PTPRD: variants seen among roughly 807,000 people sequenced by gnomAD.
PTPRD encodes the protein protein tyrosine phosphatase receptor type D, also known as receptor-type tyrosine-protein phosphatase delta.
In PTPRD, 34 loss-of-function variants were observed where a neutral mutation model predicts 214.5. The ratio of observed to expected loss-of-function variants is 0.16; its 90% confidence interval spans 0.12 to 0.21. The LOEUF (loss-of-function observed/expected upper bound fraction) is 0.21, where lower values mean the gene tolerates loss of function less well. Among genes scored for constraint, PTPRD ranks in the 10% least tolerant of loss-of-function variants. PTPRD has a pLI of 1.00. For synonymous variants in PTPRD, 1,128 were observed against 845.7 expected (o/e 1.33, Z -5.79); for missense variants, 2,545 against 2,398.7 (o/e 1.06, Z -1.27).
chr9:10,605,831 C>G (rs971939559), intron 2 of PTPRD, among the ~76,000 whole-genome samples: 1 of 151,768 alleles, frequency 6.6e-6, no homozygotes, highest in African/African-American at 2.4e-5. Flanking sequence ...CACTCCTTGA[C>G]ACATAGGAGA....
chr9:10,592,435 G>T (rs899220450), intron 2 of PTPRD, among the ~76,000 whole-genome samples: 26 of 151,980 alleles, frequency 1.7e-4, no homozygotes, highest in African/African-American at 5.8e-4. Context: ...TTCGTGATGG[G>T]GAGAAGATAT....
chr9:10,068,251 C>T (rs573034422), intron 3 of PTPRD, among the ~76,000 whole-genome samples: 61 of 151,862 alleles, frequency 4.0e-4, no homozygotes, highest in Non-Finnish European at 7.7e-4. Context: ...GCTGGATAAC[C>T]GAATGTGGAA....
intron 6 of PTPRD, among the ~76,000 whole-genome samples, chr9:9,736,176 C>G (rs1263712261): frequency 6.6e-6 from 1 of 152,102 alleles, no homozygotes; most frequent in Non-Finnish European, 1.5e-5. Context: ...ATATTGTACA[C>G]TGTAATCTCA....
intron 9 of PTPRD, among the ~76,000 whole-genome samples, chr9:9,217,873 C>G (rs573539311): frequency 7.2e-5 from 11 of 152,200 alleles, no homozygotes; most frequent in South Asian, 4.2e-4. Context: ...CTTTTTGAAG[C>G]CTTCTTGGTC....
At chr9:10,164,231 T>C (rs768722266) in intron 3 of PTPRD, among the ~76,000 whole-genome samples, 3 of 151,566 alleles carry the variant, frequency 2.0e-5, no homozygotes, top group Non-Finnish European at 4.4e-5. Flanking sequence ...CCACAAAACC[T>C]ACAAATCTAT....
intron 5 of PTPRD, among the ~76,000 whole-genome samples, chr9:9,774,132 G>A (rs1429809569): frequency 2.0e-5 from 3 of 152,148 alleles, no homozygotes; most frequent in Non-Finnish European, 4.4e-5. Flanking sequence ...AAGGATATCG[G>A]AATCAAGAGT....
chr9:9,921,529 T>C (rs2082532787), intron 5 of PTPRD, among the ~76,000 whole-genome samples: 1 of 151,856 alleles, frequency 6.6e-6, no homozygotes, highest in Non-Finnish European at 1.5e-5. Flanking sequence ...CCTGATTCTT[T>C]CTGGTCTTAA....
intron 9 of PTPRD, among the ~76,000 whole-genome samples, chr9:9,239,781 G>C (rs73388886): frequency 6.6e-6 from 1 of 152,084 alleles, no homozygotes; most frequent in Non-Finnish European, 1.5e-5. Flanking sequence ...TGTGACTCCT[G>C]GTGATCCAGG....
intron 12 of PTPRD, among the ~76,000 whole-genome samples, chr9:8,715,489 C>T (rs1597784192): frequency 1.3e-5 from 2 of 152,158 alleles, no homozygotes; most frequent in African/African-American, 4.8e-5. Context: ...TATATATGCT[C>T]AGAGAGGTTA....
At chr9:9,970,411 G>A (rs1217865435) in intron 4 of PTPRD, among the ~76,000 whole-genome samples, 3 of 131,716 alleles carry the variant, frequency 2.3e-5, no homozygotes, top group Non-Finnish European at 3.2e-5. Context: ...GAGCCTGGGC[G>A]ACAGCGAGAC....
intron 33 of PTPRD, among the ~76,000 whole-genome samples, chr9:8,453,366 G>A (rs532307626): frequency 3.6e-4 from 54 of 151,902 alleles, no homozygotes; most frequent in Non-Finnish European, 6.5e-4. Flanking sequence ...TGGTTTCGCC[G>A]TGTTAGTCAG....
chr9:9,308,622 C>T (rs918965022), intron 9 of PTPRD, among the ~76,000 whole-genome samples: 2 of 151,970 alleles, frequency 1.3e-5, no homozygotes, highest in African/African-American at 4.8e-5. Flanking sequence ...ACTATCTTAG[C>T]CTTATCAATG....
chr9:10,227,876 G>A (rs547645964), intron 3 of PTPRD, among the ~76,000 whole-genome samples: 53 of 151,644 alleles, frequency 3.5e-4, no homozygotes, highest in African/African-American at 1.2e-3. Flanking sequence ...GCCCTACTTG[G>A]CTGAGGACTC....
At chr9:10,264,504 G>C (rs2093919287) in intron 3 of PTPRD, among the ~76,000 whole-genome samples, 1 of 152,160 alleles carries the variant, frequency 6.6e-6, no homozygotes, top group Non-Finnish European at 1.5e-5. Flanking sequence ...TTTTGGACTT[G>C]CATGGGGCCT....
intron 8 of PTPRD, among the ~76,000 whole-genome samples, chr9:9,460,537 T>G (rs2093556122): frequency 6.6e-6 from 1 of 151,892 alleles, no homozygotes; most frequent in African/African-American, 2.4e-5. Flanking sequence ...AACAGACACT[T>G]CTCAAAAGGA....
At chr9:8,782,553 T>A (rs2095761413) in intron 11 of PTPRD, among the ~76,000 whole-genome samples, 1 of 151,538 alleles carries the variant, frequency 6.6e-6, no homozygotes, top group South Asian at 2.1e-4. Flanking sequence ...ACCCTCAACC[T>A]ATTTCAGTGC....
intron 2 of PTPRD, among the ~76,000 whole-genome samples, chr9:10,562,314 T>C (rs2064202628): frequency 6.6e-6 from 1 of 150,468 alleles, no homozygotes; most frequent in Non-Finnish European, 1.5e-5. Context: ...TATAATGTAA[T>C]GAAATGTTCG....
At chr9:8,493,066 A>C (rs1459151263) in intron 26 of PTPRD, 87 bp from the exon 27 acceptor site, 33 of 1,072,258 alleles carry the variant, frequency 3.1e-5, no homozygotes, top group Non-Finnish European at 4.4e-5. Flanking sequence ...TTCATTCTGC[A>C]AATGCTCGCA....
At chr9:9,015,063 T>TA in intron 11 of PTPRD, among the ~76,000 whole-genome samples, 1 of 152,180 alleles carries the variant, frequency 6.6e-6, no homozygotes, top group Non-Finnish European at 1.5e-5. Flanking sequence ...TCAATTTGTG[T>TA]AAAAAAAGAA....
Sources: gnomAD v4.1 joint callset for allele counts (sites outside exome capture counted in the v4.1 genomes callset) on GRCh38, gnomAD v4.1.1 for gene constraint, MANE v1.5 for transcripts, NCBI Gene and HGNC (gene_info 2026-07-23, HGNC 2026-07-21) for gene names.